POU2F2: variants seen among roughly 807,000 people sequenced by gnomAD.
POU2F2 encodes POU class 2 homeobox 2.
Under a neutral mutation model 63.5 loss-of-function variants are expected in POU2F2, and 14 were observed. The ratio of observed to expected loss-of-function variants is 0.22; its 90% CI spans 0.15 to 0.34. POU2F2 has a LOEUF of 0.34. POU2F2 is among the 10% of genes least tolerant of loss of function. POU2F2 has a pLI of 1.00. For missense variants in POU2F2, 607 were observed against 815.2 expected (o/e 0.74, Z 3.11); for synonymous variants, 306 against 348.6 (o/e 0.88, Z 1.36).
At chr19:42,132,239 C>T (rs2033815063) in intron 1 of POU2F2, 145 bp downstream of exon 1, 7 of 886,720 alleles carry the variant, frequency 7.9e-6, no homozygotes, top group South Asian at 3.4e-5. Flanking sequence ...TAGCGGGGAC[C>T]CGGCATGGGA....
At chr19:42,145,344 G>A (rs1381866224) in intron 2 of POU2F2, among the ~76,000 whole-genome samples, 1 of 152,146 alleles carries the variant, frequency 6.6e-6, no homozygotes, top group Non-Finnish European at 1.5e-5. Context: ...GTGCAACTTT[G>A]AGCAAACCAC....
intron 1 of POU2F2, among the ~76,000 whole-genome samples, chr19:42,161,004 G>A: frequency 6.6e-6 from 1 of 152,326 alleles, no homozygotes; most frequent in South Asian, 2.1e-4. Context: ...TCTGAATCAA[G>A]TGTGGCAGGG....
upstream of POU2F2, among the ~76,000 whole-genome samples, chr19:42,178,415 CAA>C (rs2034922042): frequency 6.6e-6 from 1 of 151,920 alleles, no homozygotes; most frequent in South Asian, 2.1e-4. Flanking sequence ...AAGCTACACG[CAA>C]AGAGAGACAA....
chr19:42,129,284 G>C (rs1397584199), intron 1 of POU2F2, among the ~76,000 whole-genome samples: 2 of 152,094 alleles, frequency 1.3e-5, no homozygotes, highest in Non-Finnish European at 2.9e-5. Flanking sequence ...AACTGAAAGA[G>C]AAAAAGCAAT....
intron 2 of POU2F2, among the ~76,000 whole-genome samples, chr19:42,148,407 G>A (rs1000940145): frequency 3.3e-5 from 5 of 152,134 alleles, no homozygotes; most frequent in African/African-American, 4.8e-5. Context: ...GTCTGTACAC[G>A]CCTTTGAAAC....
At chr19:42,104,355 A>T (rs1157359024) in intron 5 of POU2F2, among the ~76,000 whole-genome samples, 1 of 151,238 alleles carries the variant, frequency 6.6e-6, no homozygotes, top group Non-Finnish European at 1.5e-5. Flanking sequence ...ATCTATTCTC[A>T]CTCTAGAAGG....
At position 42,151,557 on chromosome 19, in the gene POU2F2, G is replaced by A. The variant is rs950347460; in HGVS notation, c.-9+8775C>T. ...CTCTGGATGGCCCTGCCTCCCATCT[G>A]TACCAATCCCTACGGATCCCAGAGC... On this transcript the variant is annotated intron_variant, in intron 2 of 6. Transcript: ENST00000524801. Among the ~76,000 whole-genome samples, 4 of 152,124 alleles carry A rather than the reference G, an allele frequency of 2.6e-5. No homozygotes were observed. In the South Asian group the frequency reaches 8.3e-4, roughly 32 times the overall value.
chr19:42,095,989 C>G lies in POU2F2; in HGVS notation c.730-60G>C. 6.3e-7 allele frequency: 1 copy of G among 1,599,366 alleles called. No homozygotes were observed. The highest frequency in any genetic ancestry group is 1.7e-5 in the Admixed American group (1 of 58,140). On this transcript the variant is annotated intron_variant, in intron 8 of 14. Transcript: ENST00000692977. The surrounding 1 kb of genome is among the most constrained non-coding windows in gnomAD (Gnocchi z 7.1). ...GGGTGGGGCCTTCCGGCACTGGGCC[C>G]GCTCCGCCCGCCCACTGGCCACGCC...
chr19:42,115,172 A>T (rs541995952), intron 5 of POU2F2, among the ~76,000 whole-genome samples: 1 of 152,160 alleles, frequency 6.6e-6, no homozygotes, highest in Non-Finnish European at 1.5e-5. Flanking sequence ...CTACATCTAC[A>T]AGAGCCATCA....
intron 2 of POU2F2, among the ~76,000 whole-genome samples, chr19:42,146,590 C>T (rs975662532): frequency 2.0e-4 from 31 of 152,126 alleles, no homozygotes; most frequent in Admixed American, 1.9e-3. Flanking sequence ...CCAACACCTT[C>T]AAATCTACTC....
chr19:42,099,896 C>T (rs1010548134), intron 5 of POU2F2, 75 bp from the exon 6 acceptor site: 20 of 1,219,470 alleles, frequency 1.6e-5, no homozygotes, highest in Non-Finnish European at 2.3e-5. Context: ...TCACCTGAAC[C>T]TTGAGGGGCT....
chr19:42,169,118 G>A lies in POU2F2; in HGVS notation c.-70+6845C>T, dbSNP rs570669746. ...TAATTCTATACACATTTTCACACTT[G>A]AACATCTACCTATTTTGTTTTGCTT... On this transcript the variant is annotated intron_variant, in intron 1 of 6. Coordinates refer to the POU2F2 transcript ENST00000524801. This position sits in a 1 kb window ranked among gnomAD's most constrained non-coding sequence, Gnocchi z 4.3. 6.6e-6 allele frequency among the ~76,000 whole-genome samples: 1 copy of A among 152,144 alleles called. No homozygotes were observed. Among genetic ancestry groups the A allele is most frequent in the African/African-American group, 2.4e-5 (1 of 41,498 alleles).
At chr19:42,164,419 T>C (rs574986185) in intron 1 of POU2F2, among the ~76,000 whole-genome samples, 15 of 149,448 alleles carry the variant, frequency 1.0e-4, no homozygotes, top group African/African-American at 3.7e-4. Context: ...AATACAAAAA[T>C]AGTTAGCTAG....
At chr19:42,168,357 C>T (rs913846197) in intron 1 of POU2F2, among the ~76,000 whole-genome samples, 1 of 152,206 alleles carries the variant, frequency 6.6e-6, no homozygotes, top group African/African-American at 2.4e-5. Context: ...TGAATAAATC[C>T]CAAGCCTCAC....
chr19:42,187,912 G>C (rs2035031064), intron 1 of POU2F2, among the ~76,000 whole-genome samples: 1 of 152,010 alleles, frequency 6.6e-6, no homozygotes, highest in Admixed American at 6.6e-5. Context: ...AGTGACCCCT[G>C]CCTCCTGATA....
intron 1 of POU2F2, among the ~76,000 whole-genome samples, chr19:42,161,944 C>T (rs1006120499): frequency 3.3e-5 from 5 of 152,216 alleles, no homozygotes; most frequent in East Asian, 1.9e-4. Flanking sequence ...CGATGCAGCG[C>T]GCAGGGCAAA....
chr19:42,091,471 T>C lies in POU2F2; in HGVS notation c.1661A>G (p.Asn554Ser). 6.5e-7 allele frequency: 1 copy of C among 1,549,814 alleles called. No individual in the cohort carries two copies. The highest frequency in any genetic ancestry group is 8.7e-7 in the Non-Finnish European group (1 of 1,146,136). The change falls in exon 15 of 15, where the codon AAT (asparagine) becomes AGT (serine). Residue 554 changes from asparagine (N) to serine (S), a missense_variant. By Grantham distance (46) the Asn-to-Ser change is conservative. Transcript: ENST00000692977. ...GCTGAGCAGGGGCAGCCCAGCATGA[T>C]TCAAGAAGAGCGGCGAGGTCACCAG... ...PGLVTSPLFL[N>S]HAGLPLLSTP...
chr19:42,131,454 G>A (rs1332316010), intron 1 of POU2F2, among the ~76,000 whole-genome samples: 1 of 152,248 alleles, frequency 6.6e-6, no homozygotes, highest in African/African-American at 2.4e-5. Context: ...AATGAAACAG[G>A]CATGAAGGGC....
rs1381819984 is a variant in POU2F2, at chr19:42,152,492, A to C, written c.-9+7840T>G. ...GACCGGGGCTGTGACATGGTGGATC[A>C]ATACGGCAGGGATATAAAGCCGGCT... On this transcript the variant is annotated intron_variant, in intron 2 of 6. Coordinates refer to the POU2F2 transcript ENST00000524801. This position sits in a 1 kb window ranked among gnomAD's most constrained non-coding sequence, Gnocchi z 4.1. 6.6e-6 allele frequency: 1 copy of C among 152,082 alleles called. No individual in the cohort carries two copies. Among genetic ancestry groups the C allele is most frequent in the Non-Finnish European group, 1.5e-5 (1 of 68,072 alleles). The allele number at this position is 152,082 out of a possible 1,614,324, so 9.4% of individuals were successfully genotyped here.
Sources: gnomAD v4.1 joint callset for allele counts (sites outside exome capture counted in the v4.1 genomes callset) on GRCh38, gnomAD v4.1.1 for gene constraint, Gnocchi (gnomAD v3.1) non-coding constraint, MANE v1.5 for transcripts, NCBI Gene and HGNC (gene_info 2026-07-23, HGNC 2026-07-21) for gene names.